Variants in CFAP299 observed in about 807,000 individuals in gnomAD.
CFAP299 encodes the protein cilia and flagella associated protein 299, also known as cilia- and flagella-associated protein 299.
In CFAP299, 21 loss-of-function variants were observed where a neutral mutation model predicts 27.0. The observed-to-expected ratio is 0.78, with a 90% CI of 0.55 to 1.12. CFAP299 has a LOEUF of 1.12. CFAP299 is among the 50% of genes most tolerant of loss of function. The probability of loss-of-function intolerance (pLI) is 0.00; values close to 1 mark genes in which losing one functional copy is unlikely to be tolerated. For synonymous variants in CFAP299, 104 were observed against 98.1 expected, an observed-to-expected ratio of 1.06 and a Z score of -0.36; for missense variants, 310 against 276.6, an observed-to-expected ratio of 1.12 and a Z score of -0.86.
At position 80,804,254 on chromosome 4, in the gene CFAP299, A is replaced by G. The variant is rs781153148; in HGVS notation, c.334-65739A>G. Among the ~76,000 whole-genome samples the G allele has an allele frequency of 3.5e-4, 54 of 152,240 alleles. No individual in the cohort carries two copies. In the Middle Eastern group the frequency reaches 0.01, roughly 29 times the overall value. On this transcript the variant is annotated intron_variant, in intron 3 of 5. Transcript: ENST00000358105. ...AACTCATTTAATTTTGTAAAATTGA[A>G]ATTTTATACCCTTAAACAACATTTC...
intron 5 of CFAP299, among the ~76,000 whole-genome samples, chr4:80,949,063 AT>A (rs1191244425): frequency 2.0e-5 from 3 of 152,160 alleles, no homozygotes; most frequent in Admixed American, 2.0e-4. Context: ...AGTCCCAGAA[AT>A]ATATAATTTA....
intron 3 of CFAP299, among the ~76,000 whole-genome samples, chr4:80,693,482 G>A (rs1376213470): frequency 6.8e-6 from 1 of 147,586 alleles, no homozygotes; most frequent in East Asian, 2.0e-4. Flanking sequence ...TCACTCATAG[G>A]TGGGAACTGA....
chr4:80,549,603 G>A (rs1734403179), intron 2 of CFAP299, among the ~76,000 whole-genome samples: 1 of 152,100 alleles, frequency 6.6e-6, no homozygotes, highest in Non-Finnish European at 1.5e-5. Flanking sequence ...GTGCATTGTG[G>A]ATTTTCAACA....
chr4:80,405,126 C>T (rs1208012240), intron 2 of CFAP299, among the ~76,000 whole-genome samples: 1 of 152,038 alleles, frequency 6.6e-6, no homozygotes, highest in African/African-American at 2.4e-5. Context: ...CCATACCTGC[C>T]CAATATGGAT....
chr4:80,401,629 A>C (rs1209099869), intron 2 of CFAP299, among the ~76,000 whole-genome samples: 1 of 152,240 alleles, frequency 6.6e-6, no homozygotes, highest in Non-Finnish European at 1.5e-5. Context: ...CTGCAGGGGC[A>C]GGGCCTTCAT....
chr4:80,674,623 A>C (rs1719285628), intron 3 of CFAP299, among the ~76,000 whole-genome samples: 1 of 152,092 alleles, frequency 6.6e-6, no homozygotes, highest in East Asian at 1.9e-4. Flanking sequence ...GTGTTTTCCA[A>C]ATTGGTTCCA....
chr4:80,717,981 T>A (rs1722588218), intron 3 of CFAP299, among the ~76,000 whole-genome samples: 1 of 152,134 alleles, frequency 6.6e-6, no homozygotes, highest in African/African-American at 2.4e-5. Flanking sequence ...TCTATTATTT[T>A]TCTCTCACTT....
At chr4:80,655,219 A>G (rs186194399) in intron 3 of CFAP299, among the ~76,000 whole-genome samples, 19 of 152,254 alleles carry the variant, frequency 1.2e-4, no homozygotes, top group South Asian at 1.0e-3. Flanking sequence ...TATCCATAAC[A>G]TATCGGTTGT....
At chr4:80,659,367 T>C (rs1217439901) in intron 3 of CFAP299, among the ~76,000 whole-genome samples, 5 of 151,316 alleles carry the variant, frequency 3.3e-5, no homozygotes, top group Non-Finnish European at 7.4e-5. Flanking sequence ...AACTACACAC[T>C]GAGAGATGAT....
At chr4:80,603,787 G>A (rs1737493610) in intron 3 of CFAP299, among the ~76,000 whole-genome samples, 1 of 152,044 alleles carries the variant, frequency 6.6e-6, no homozygotes, top group African/African-American at 2.4e-5. Flanking sequence ...AATACATAAT[G>A]GCTTTAACAT....
rs146027887 is a variant in CFAP299 at position 80,611,609 on chromosome 4, A to G, written c.333+28426A>G. The stretch of plus-strand genomic sequence containing the variant: ...AAAGTTAATGTTTTATCAAATCCAG[A>G]CCACACCTGCATTGGGACACTTGTA... On this transcript the variant is annotated intron_variant, in intron 3 of 5. Coordinates refer to ENST00000358105, the MANE Select transcript of CFAP299 (RefSeq NM_152770.3). 2.3e-3 allele frequency among the ~76,000 whole-genome samples: 355 copies of G among 152,180 alleles called. 1 individual carries two copies. Among genetic ancestry groups the G allele is most frequent in the Non-Finnish European group, 4.0e-3 (275 of 67,974 alleles).
At chr4:80,754,790 C>T (rs1216496006) in intron 3 of CFAP299, among the ~76,000 whole-genome samples, 1 of 152,016 alleles carries the variant, frequency 6.6e-6, no homozygotes, top group Non-Finnish European at 1.5e-5. Flanking sequence ...GGTACCTGCT[C>T]CAGGTATGCA....
At chr4:80,734,961 A>G (rs1196757985) in intron 3 of CFAP299, among the ~76,000 whole-genome samples, 1 of 152,150 alleles carries the variant, frequency 6.6e-6, no homozygotes, top group Non-Finnish European at 1.5e-5. Context: ...TAGAAAGTTT[A>G]TGATTGCTTT....
chr4:80,561,062 G>A (rs1362349463), intron 2 of CFAP299, among the ~76,000 whole-genome samples: 1 of 152,122 alleles, frequency 6.6e-6, no homozygotes, highest in Non-Finnish European at 1.5e-5. Flanking sequence ...AGTGGTGGTG[G>A]TCACAGGGGT....
At chr4:80,801,929 A>G (rs1182101332) in intron 3 of CFAP299, among the ~76,000 whole-genome samples, 1 of 152,236 alleles carries the variant, frequency 6.6e-6, no homozygotes, top group East Asian at 1.9e-4. Context: ...CAACTAATTC[A>G]GCACAACAGT....
At chr4:80,844,031 G>T (rs919058402) in intron 3 of CFAP299, among the ~76,000 whole-genome samples, 5 of 152,064 alleles carry the variant, frequency 3.3e-5, no homozygotes, top group African/African-American at 7.3e-5. Flanking sequence ...GCCATAGTTT[G>T]CTGAGAATGA....
At chr4:80,928,407 C>T (rs11730413) in intron 4 of CFAP299, among the ~76,000 whole-genome samples, 6,664 of 152,006 alleles carry the variant, frequency 0.044, 440 homozygotes, top group African/African-American at 0.14. Context: ...TTTGTCATGT[C>T]CAGTCATGAC....
intron 4 of CFAP299, among the ~76,000 whole-genome samples, chr4:80,907,213 T>G (rs965585674): frequency 6.6e-6 from 1 of 152,176 alleles, no homozygotes; most frequent in Non-Finnish European, 1.5e-5. Context: ...GTTTCTCATC[T>G]TCATCTGCAT....
chr4:80,689,909 C>T (rs1463663515), intron 3 of CFAP299, among the ~76,000 whole-genome samples: 1 of 151,728 alleles, frequency 6.6e-6, no homozygotes, highest in Non-Finnish European at 1.5e-5. Flanking sequence ...TCTGATAAAA[C>T]AGACTTTAAA....
Sources: gnomAD v4.1 joint callset for allele counts (sites outside exome capture counted in the v4.1 genomes callset) on GRCh38, gnomAD v4.1.1 for gene constraint, MANE v1.5 for transcripts, NCBI Gene and HGNC (gene_info 2026-07-23, HGNC 2026-07-21) for gene names.